The following CRYBG3 variants were observed in gnomAD, a reference collection of about 807,000 sequenced individuals.
The protein encoded by CRYBG3 is crystallin beta-gamma domain containing 3.
In CRYBG3, 127 loss-of-function variants were observed where a neutral mutation model predicts 244.2. The ratio of observed to expected loss-of-function variants is 0.52; its 90% CI spans 0.45 to 0.60. The LOEUF is 0.60. Among genes scored for constraint, CRYBG3 ranks in the 20% least tolerant of loss-of-function variants. The probability of loss-of-function intolerance (pLI) is 0.00; values close to 1 mark genes in which losing one functional copy is unlikely to be tolerated. For missense variants in CRYBG3, 3,325 were observed against 3,442.5 expected (o/e 0.97, Z 0.85); for synonymous variants, 1,132 against 1,195.8 (o/e 0.95, Z 1.10).
At chr3:97,886,350 C>G (rs1434005858) in intron 7 of CRYBG3, among the ~76,000 whole-genome samples, 2 of 152,048 alleles carry the variant, frequency 1.3e-5, no homozygotes, top group Admixed American at 1.3e-4. Flanking sequence ...AATTTGGTAA[C>G]TCTAAGCATT....
rs562656051 is a variant in CRYBG3 at position 97,899,765 on chromosome 3, G to A, written c.7971+502G>A. 2.0e-5 allele frequency among the ~76,000 whole-genome samples: 3 copies of A among 152,230 alleles called. No homozygotes were observed. In the South Asian group the frequency reaches 6.2e-4, roughly 32 times the overall value. On this transcript the variant is annotated intron_variant, in intron 14 of 21. Coordinates refer to ENST00000389622, the MANE Select transcript of CRYBG3 (RefSeq NM_153605.4). ...AAACCAATTTTTCTAGGCAGAAAGG[G>A]CATTTCACAAAGAAGGAATAATCTC...
rs573103014 is a variant in CRYBG3, at chr3:97,936,687, G to A, written c.8382-98G>A. 233 of 1,249,656 alleles carry A rather than the reference G, an allele frequency of 1.9e-4. 2 individuals are homozygous for A. The African/African-American group carries it at 2.9e-3, about 15-fold the overall frequency. The allele number at this position is 1,249,656 out of a possible 1,614,324, so 77.4% of individuals were successfully genotyped here. ...GCAATTTTAAAAGTCTGCAAACCTA[G>A]AAGTTTATGAACCCTATAAGGCAAA... On this transcript the variant is annotated intron_variant, in intron 18 of 21. Transcript: ENST00000389622.
intron 15 of CRYBG3, among the ~76,000 whole-genome samples, chr3:97,906,057 A>G (rs1386585859): frequency 6.9e-6 from 1 of 143,974 alleles, no homozygotes; most frequent in African/African-American, 2.5e-5. Flanking sequence ...ATAGTTGTAG[A>G]TATGCGGCGT....
At chr3:97,838,134 A>AT (rs1383714018) in intron 1 of CRYBG3, among the ~76,000 whole-genome samples, 1 of 151,856 alleles carries the variant, frequency 6.6e-6, no homozygotes, top group Non-Finnish European at 1.5e-5. Flanking sequence ...AAAAAAGGGG[A>AT]TTTTTTTCCT....
Position 97,874,659 on chromosome 3 carries a change from A to C in CRYBG3, c.3465A>C (p.Gly1155=). The C allele has an allele frequency of 6.5e-7, 1 of 1,536,008 alleles. No individual in the cohort carries two copies. Among genetic ancestry groups the C allele is most frequent in the Non-Finnish European group, 8.7e-7 (1 of 1,146,836 alleles). ...ACAATCTCGTGGAAGCAGAGACTGGAGCAGTTGCTGGGCCTGCAGCGTCAG... is the reference window on the plus strand; with the variant it reads ...ACAATCTCGTGGAAGCAGAGACTGGCGCAGTTGCTGGGCCTGCAGCGTCAG... ...QFDNLVEAET[G]AVAGPAASVN... is the part of the protein sequence containing the mutation. The change falls in exon 4 of 22, where the codon GGA becomes GGC. Residue 1155 remains glycine (G), a synonymous_variant. Transcript: ENST00000389622.
intron 6 of CRYBG3, 21 bp downstream of exon 6, chr3:97,880,121 T>A (rs192200322): frequency 8.1e-7 from 1 of 1,237,696 alleles, no homozygotes; most frequent in Non-Finnish European, 1.2e-6. Flanking sequence ...TCTTAAAATT[T>A]TATAGCATAT....
At chr3:97,861,501 G>A (rs539896000) in intron 2 of CRYBG3, among the ~76,000 whole-genome samples, 1 of 152,242 alleles carries the variant, frequency 6.6e-6, no homozygotes, top group East Asian at 1.9e-4. Flanking sequence ...AAAGAGAGTA[G>A]ATAGAGAAAT....
At position 97,941,189 on chromosome 3, in the gene CRYBG3, A is replaced by G; in HGVS notation, c.8547A>G (p.Glu2849=). 2 of 1,611,768 alleles carry G rather than the reference A, an allele frequency of 1.2e-6. No homozygotes were observed. Among genetic ancestry groups the G allele is most frequent in the Non-Finnish European group, 1.7e-6 (2 of 1,178,478 alleles). The change falls in exon 20 of 22, where the codon GAA becomes GAG. Residue 2849 remains glutamate (E), a synonymous_variant. Transcript: ENST00000389622. ...YIRIKNRAQG[E]YLTVTGSLAD... Reference sequence around the variant, plus strand: ...GAATAAAGAACCGTGCCCAGGGTGAATATCTGACAGTCACTGGAAGTCTAG... The same window carrying G: ...GAATAAAGAACCGTGCCCAGGGTGAGTATCTGACAGTCACTGGAAGTCTAG...
intron 14 of CRYBG3, 99 bp downstream of exon 14, chr3:97,899,362 CAT>C (rs2108239387): frequency 1.6e-6 from 2 of 1,284,084 alleles, no homozygotes; most frequent in East Asian, 2.4e-5. Flanking sequence ...TGAATGATGT[CAT>C]GTGTGTATAT....
intron 3 of CRYBG3, among the ~76,000 whole-genome samples, chr3:97,867,863 A>G (rs1004409352): frequency 1.3e-5 from 2 of 152,218 alleles, no homozygotes; most frequent in Non-Finnish European, 2.9e-5. Flanking sequence ...GTTAAATACA[A>G]TGTGGAGAAA....
chr3:97,834,395 T>A (rs573108196), intron 1 of CRYBG3, among the ~76,000 whole-genome samples: 2 of 152,302 alleles, frequency 1.3e-5, no homozygotes, highest in South Asian at 4.1e-4. Flanking sequence ...ATATTTGTTT[T>A]ATGTAATTTT....
chr3:97,903,268 CT>C (rs2039725477), intron 15 of CRYBG3, among the ~76,000 whole-genome samples: 1 of 152,062 alleles, frequency 6.6e-6, no homozygotes, highest in Admixed American at 6.6e-5. Flanking sequence ...AAAATCACAG[CT>C]TTAGGCAAAT....
chr3:97,875,695 G>A lies in CRYBG3; in HGVS notation c.4501G>A (p.Val1501Ile), dbSNP rs1350547195. ...TSKSSLSDSL[V>I]CISEKNLPGH... ...TAAAAGCAGTTTGTCTGATAGCCTT[G>A]TATGTATATCTGAAAAAAACTTGCC... The change falls in exon 4 of 22, where the codon GTA becomes ATA. Residue 1501 changes from valine to isoleucine, a missense_variant. Val to Ile is a conservative substitution (Grantham distance 29). Coordinates refer to ENST00000389622, the MANE Select transcript of CRYBG3 (RefSeq NM_153605.4). 2 of 1,232,458 alleles carry A rather than the reference G, an allele frequency of 1.6e-6. No homozygotes were observed. Among genetic ancestry groups the A allele is most frequent in the Non-Finnish European group, 1.0e-6 (1 of 988,422 alleles). 76.3% of individuals were successfully genotyped at this position (1,232,458 alleles called of 1,614,324 possible). A position where few individuals can be genotyped will look rare whatever the true frequency, so the allele number is the denominator to read the frequency against.
At chr3:97,896,409 C>T (rs1236851148) in intron 12 of CRYBG3, among the ~76,000 whole-genome samples, 1 of 152,078 alleles carries the variant, frequency 6.6e-6, no homozygotes, top group Non-Finnish European at 1.5e-5. Context: ...TTTGGTATTG[C>T]TTGGCTATGA....
At chr3:97,838,313 G>A (rs2038763100) in intron 1 of CRYBG3, among the ~76,000 whole-genome samples, 1 of 152,106 alleles carries the variant, frequency 6.6e-6, no homozygotes, top group Non-Finnish European at 1.5e-5. Flanking sequence ...AATAAGTGGA[G>A]ATTCTCCTGG....
intron 16 of CRYBG3, among the ~76,000 whole-genome samples, chr3:97,914,786 A>G (rs767769221): frequency 2.0e-5 from 3 of 152,188 alleles, no homozygotes; most frequent in Non-Finnish European, 4.4e-5. Context: ...TTATAATGTC[A>G]CACAGCATTT....
chr3:97,884,773 T>C (rs2039488391), intron 7 of CRYBG3, among the ~76,000 whole-genome samples: 1 of 152,120 alleles, frequency 6.6e-6, no homozygotes, highest in African/African-American at 2.4e-5. Context: ...AGAGCAAAAA[T>C]TAGTTTTCTA....
At chr3:97,923,210 G>A (rs184029847) in intron 17 of CRYBG3, among the ~76,000 whole-genome samples, 26 of 152,164 alleles carry the variant, frequency 1.7e-4, no homozygotes, top group African/African-American at 5.5e-4. Flanking sequence ...AGTCAGGAGG[G>A]ATAGCATTAG....
rs1482157955 is a variant in CRYBG3, at chr3:97,872,423, A to G, written c.1229A>G (p.Glu410Gly). Residue 410 changes from glutamate to glycine, a missense_variant, in exon 4 of 22, where the codon GAA (glutamate) becomes GGA (glycine). Transcript: ENST00000389622. The part of the protein sequence containing the change: ...RVTTTENTIK[E>G]NSTVMSNRTL... The stretch of plus-strand genomic sequence containing the variant: ...ACTACAACAGAAAATACGATAAAAG[A>G]AAACAGCACTGTGATGAGTAATAGG... 6.5e-7 allele frequency: 1 copy of G among 1,535,938 alleles called. No individual in the cohort carries two copies.
Sources: allele counts gnomAD v4.1 joint callset (sites outside exome capture counted in the v4.1 genomes callset), GRCh38; gene constraint gnomAD v4.1.1; transcripts MANE v1.5; gene names NCBI Gene and HGNC (gene_info 2026-07-23, HGNC 2026-07-21).